Variants in CORO7 observed in about 807,000 individuals in gnomAD.
CORO7 encodes the protein coronin-7.
Under a neutral mutation model 126.6 loss-of-function variants are expected in CORO7, and 107 were observed. That is an observed-to-expected ratio of 0.85 (90% CI 0.72 to 0.99). CORO7 has a LOEUF of 0.99. Ranked by LOEUF, CORO7 falls within the 50% of genes least tolerant of loss-of-function variation. The probability of loss-of-function intolerance (pLI) is 0.00; values close to 1 mark genes in which losing one functional copy is unlikely to be tolerated. For synonymous variants in CORO7, 603 were observed against 536.8 expected, an observed-to-expected ratio of 1.12 and a Z score of -1.70; for missense variants, 1,314 against 1,255.8, an observed-to-expected ratio of 1.05 and a Z score of -0.70.
intron 1 of CORO7, 74 bp from the exon 2 acceptor site, chr16:4,413,478 G>T: frequency 7.1e-7 from 1 of 1,411,622 alleles, no homozygotes; most frequent in Non-Finnish European, 9.7e-7. Context: ...AGCAAGAGGT[G>T]GGGCATAATC....
intron 9 of CORO7, among the ~76,000 whole-genome samples, chr16:4,374,975 G>A (rs1350529133): frequency 2.0e-5 from 3 of 152,050 alleles, no homozygotes; most frequent in Admixed American, 1.3e-4. Flanking sequence ...CCGTGTGAGG[G>A]CCCAGCCCTG....
intron 2 of CORO7, 125 bp from the exon 3 acceptor site, chr16:4,412,555 C>T: frequency 1.0e-6 from 1 of 955,330 alleles, no homozygotes; most frequent in South Asian, 1.5e-5. Context: ...CTACCAATCA[C>T]AAGATCATAT....
At chr16:4,400,514 T>G (rs2055758975) in intron 6 of CORO7, among the ~76,000 whole-genome samples, 1 of 152,114 alleles carries the variant, frequency 6.6e-6, no homozygotes, top group Non-Finnish European at 1.5e-5. Context: ...ATGCCTGTAA[T>G]CCCAGCTACT....
intron 9 of CORO7, among the ~76,000 whole-genome samples, chr16:4,371,037 C>A (rs913326890): frequency 6.6e-6 from 1 of 152,246 alleles, no homozygotes; most frequent in African/African-American, 2.4e-5. Context: ...GCCCCTGGCA[C>A]CCGCCCCTCC....
chr16:4,379,293 G>A (rs1420704837), intron 9 of CORO7, among the ~76,000 whole-genome samples: 1 of 152,114 alleles, frequency 6.6e-6, no homozygotes, highest in African/African-American at 2.4e-5. Context: ...CCCGTATGAG[G>A]CTCAGGGACT....
At position 4,358,501 on chromosome 16, in the gene CORO7, T is replaced by C; in HGVS notation, c.2341-18A>G. On this transcript the variant is annotated intron_variant, in intron 23 of 27. Transcript: ENST00000251166. ...ACGAGGCCCTGGGGGAGCAAGGGAGTCGGAGCTGCCGCTGGGACCTAGAGC... is the reference window on the plus strand; with the variant it reads ...ACGAGGCCCTGGGGGAGCAAGGGAGCCGGAGCTGCCGCTGGGACCTAGAGC... The C allele has an allele frequency of 6.4e-7, 1 of 1,570,730 alleles. No homozygotes were observed. The highest frequency in any genetic ancestry group is 8.7e-7 in the Non-Finnish European group (1 of 1,154,694).
intron 9 of CORO7, among the ~76,000 whole-genome samples, chr16:4,373,684 GA>G (rs2141221568): frequency 6.6e-6 from 1 of 152,278 alleles, no homozygotes; most frequent in African/African-American, 2.4e-5. Flanking sequence ...GGGGAGCTGG[GA>G]CAAGTCCCAA....
At chr16:4,382,516 G>C in intron 9 of CORO7, 1 of 1,592,422 alleles carries the variant, frequency 6.3e-7, no homozygotes, top group Non-Finnish European at 8.5e-7. Context: ...GCCGGAGGGC[G>C]AGGAGGCCTG....
intron 6 of CORO7, among the ~76,000 whole-genome samples, chr16:4,404,891 C>T (rs1023937900): frequency 1.3e-5 from 2 of 152,152 alleles, no homozygotes; most frequent in Admixed American, 6.5e-5. Flanking sequence ...ACCACCTGCC[C>T]TACTCTGGCC....
chr16:4,360,892 TGCTGGCCCC>T (rs755891421), intron 19 of CORO7, 42 bp downstream of exon 19: 27 of 1,555,320 alleles, frequency 1.7e-5, no homozygotes, highest in Non-Finnish European at 2.3e-5. Flanking sequence ...CTCTCCACAC[TGCTGGCCCC>T]GCCTCTCCAC....
At chr16:4,363,198 G>A (rs1027804273) in intron 14 of CORO7, 6 of 151,816 alleles carry the variant, frequency 4.0e-5, no homozygotes, top group Non-Finnish European at 7.3e-5. Context: ...TTGGGAGGCC[G>A]AGGAGGGCAG....
intron 9 of CORO7, among the ~76,000 whole-genome samples, chr16:4,366,527 G>C (rs947691537): frequency 6.9e-6 from 1 of 145,458 alleles, no homozygotes; most frequent in African/African-American, 2.6e-5. Flanking sequence ...TCTTGCTCCT[G>C]ATCTTTGCTT....
chr16:4,407,692 A>G lies in CORO7; in HGVS notation c.304-8T>C, dbSNP rs1221062224. ...CAGTCGCCAGAGTTTTACCTGCAAG[A>G]AAGACCAAGTCCGTGAGCACAGGGC... is the stretch of plus-strand genomic sequence containing the variant. On this transcript the variant is annotated splice_region_variant and splice_polypyrimidine_tract_variant and intron_variant, in intron 4 of 27. Transcript: ENST00000251166. The G allele has an allele frequency of 6.3e-7, 1 of 1,578,162 alleles. No homozygotes were observed. The highest frequency in any genetic ancestry group is 8.6e-7 in the Non-Finnish European group (1 of 1,164,436).
At chr16:4,414,709 T>G (rs1015025571) in intron 1 of CORO7, among the ~76,000 whole-genome samples, 1 of 152,148 alleles carries the variant, frequency 6.6e-6, no homozygotes, top group African/African-American at 2.4e-5. Context: ...GTTCCATGCC[T>G]ATCTGTTTAT....
chr16:4,377,446 C>A (rs139029570), intron 9 of CORO7, among the ~76,000 whole-genome samples: 1 of 152,066 alleles, frequency 6.6e-6, no homozygotes, highest in East Asian at 1.9e-4. Context: ...CCCAGGCGGG[C>A]GGGACAGCTC....
chr16:4,381,812 G>T, intron 9 of CORO7: 1 of 1,600,552 alleles, frequency 6.2e-7, no homozygotes. Context: ...TTTGGCCCCT[G>T]GGTGCGCGAG....
At chr16:4,360,619 C>T in intron 19 of CORO7, 71 bp from the exon 20 acceptor site, 1 of 1,521,168 alleles carries the variant, frequency 6.6e-7, no homozygotes, top group East Asian at 2.5e-5. Flanking sequence ...ACTGCTCCTG[C>T]CCCTCCTCAC....
intron 1 of CORO7, among the ~76,000 whole-genome samples, chr16:4,416,116 C>T (rs989408667): frequency 6.6e-6 from 1 of 152,114 alleles, no homozygotes; most frequent in African/African-American, 2.4e-5. Context: ...CCCCGGCTCC[C>T]GGCGAGGCCG....
At chr16:4,413,767 G>A (rs553237385) in intron 1 of CORO7, among the ~76,000 whole-genome samples, 68 of 151,650 alleles carry the variant, frequency 4.5e-4, no homozygotes, top group African/African-American at 1.6e-3. Context: ...CGAACTCCTG[G>A]CCTCAAGTGA....
Sources: allele counts gnomAD v4.1 joint callset (sites outside exome capture counted in the v4.1 genomes callset), GRCh38; gene constraint gnomAD v4.1.1; transcripts MANE v1.5; gene names NCBI Gene and HGNC (gene_info 2026-07-23, HGNC 2026-07-21).